Variants in TNFSF4 observed in about 807,000 individuals in gnomAD.
TNFSF4 encodes the protein tumor necrosis factor ligand superfamily member 4.
In TNFSF4, 4 loss-of-function variants were observed where a neutral mutation model predicts 7.3. The ratio of observed to expected loss-of-function variants is 0.55; its 90% CI spans 0.27 to 1.25. The LOEUF (loss-of-function observed/expected upper bound fraction) is 1.25. TNFSF4 is among the 50% of genes most tolerant of loss of function. The pLI, the probability that TNFSF4 is intolerant of heterozygous loss-of-function variation, is 0.12. For missense variants in TNFSF4, 181 were observed against 208.8 expected (o/e 0.87, Z 0.82); for synonymous variants, 76 against 83.7 (o/e 0.91, Z 0.50).
At chr1:173,419,092 C>T in the TNFSF4 span, among the ~76,000 whole-genome samples, 7 of 152,210 alleles carry the variant, frequency 4.6e-5, no homozygotes, top group Non-Finnish European at 8.8e-5. Flanking sequence ...GTAATCCCAG[C>T]ACTTTGGGAG....
At chr1:173,436,087 C>G in the TNFSF4 span, among the ~76,000 whole-genome samples, 1 of 152,218 alleles carries the variant, frequency 6.6e-6, no homozygotes, top group African/African-American at 2.4e-5. Flanking sequence ...TTTCCATGTA[C>G]TCATGCCACC....
the TNFSF4 span, among the ~76,000 whole-genome samples, chr1:173,269,908 G>T: frequency 2.0e-5 from 3 of 152,114 alleles, no homozygotes; most frequent in Non-Finnish European, 2.9e-5. Context: ...CATTGGAAGG[G>T]CTGTGATGGG....
the TNFSF4 span, among the ~76,000 whole-genome samples, chr1:173,224,479 G>T: frequency 6.6e-6 from 1 of 152,110 alleles, no homozygotes; most frequent in Non-Finnish European, 1.5e-5. Context: ...TACCATCCTG[G>T]TCCCAGCACT....
the TNFSF4 span, among the ~76,000 whole-genome samples, chr1:173,252,891 G>T: frequency 6.6e-6 from 1 of 152,206 alleles, no homozygotes; most frequent in African/African-American, 2.4e-5. Context: ...CAGATGAAAT[G>T]ATTACAAGCT....
the TNFSF4 span, among the ~76,000 whole-genome samples, chr1:173,215,824 T>C: frequency 6.6e-6 from 1 of 152,164 alleles, no homozygotes; most frequent in Non-Finnish European, 1.5e-5. Flanking sequence ...GGGGTTGCTA[T>C]AGGGTTTACA....
Position 173,186,541 on chromosome 1 carries a change from T to C in TNFSF4, c.527A>G (p.Asn176Ser). 2 of 1,613,452 alleles carry C rather than the reference T, an allele frequency of 1.2e-6. No individual in the cohort carries two copies. Among genetic ancestry groups the C allele is most frequent in the Non-Finnish European group, 1.7e-6 (2 of 1,179,586 alleles). Residue 176 changes from asparagine (N) to serine (S), a missense_variant, in exon 3 of 3, where the codon AAT becomes AGT. Physicochemically the swap from Asn to Ser is conservative, Grantham distance 46. Transcript: ENST00000281834. The part of the protein sequence containing the change: ...NGGELILIHQ[N>S]PGEFCVL Reference sequence around the variant, plus strand: ...TCAAAGGACACAGAATTCACCAGGATTTTGATGGATAAGAATCAGTTCTCC... The same window carrying C: ...TCAAAGGACACAGAATTCACCAGGACTTTGATGGATAAGAATCAGTTCTCC...
the TNFSF4 span, among the ~76,000 whole-genome samples, chr1:173,402,383 TC>T: frequency 6.6e-6 from 1 of 152,246 alleles, no homozygotes; most frequent in Non-Finnish European, 1.5e-5. Flanking sequence ...CTTCTGGGAC[TC>T]CATACTGTTG....
intron 2 of TNFSF4, among the ~76,000 whole-genome samples, chr1:173,187,906 C>A (rs1649301232): frequency 6.6e-6 from 1 of 152,208 alleles, no homozygotes; most frequent in Non-Finnish European, 1.5e-5. Context: ...TTCAGTAATT[C>A]TTGCTTTGTA....
chr1:173,316,902 C>A, the TNFSF4 span, among the ~76,000 whole-genome samples: 1 of 152,066 alleles, frequency 6.6e-6, no homozygotes, highest in Non-Finnish European at 1.5e-5. Flanking sequence ...TACCTTTAAC[C>A]TTTAAGACTA....
chr1:173,416,334 G>A, the TNFSF4 span, among the ~76,000 whole-genome samples: 120,349 of 152,142 alleles, frequency 0.79, 47,765 homozygotes, highest in Middle Eastern at 0.86. Flanking sequence ...AGGCAGCAGC[G>A]TGGCTTAAAG....
At chr1:173,449,500 T>C in the TNFSF4 span, among the ~76,000 whole-genome samples, 2 of 151,998 alleles carry the variant, frequency 1.3e-5, no homozygotes, top group African/African-American at 4.8e-5. Context: ...ACTACAAGCA[T>C]GCACCACCAC....
the TNFSF4 span, among the ~76,000 whole-genome samples, chr1:173,359,525 A>AAC: frequency 1.4e-4 from 3 of 21,516 alleles, no homozygotes; most frequent in East Asian, 2.8e-3. Flanking sequence ...AAAAAAAAAA[A>AAC]AAAAAAAAAA....
chr1:173,250,013 A>G, the TNFSF4 span, among the ~76,000 whole-genome samples: 70 of 152,276 alleles, frequency 4.6e-4, no homozygotes, highest in African/African-American at 1.4e-3. Flanking sequence ...GTACCTCTGA[A>G]CTTAAAATAA....
chr1:173,368,891 C>T, the TNFSF4 span, among the ~76,000 whole-genome samples: 12 of 152,274 alleles, frequency 7.9e-5, no homozygotes, highest in African/African-American at 1.9e-4. Flanking sequence ...CTGTCCCTGG[C>T]GCTCTTCTAG....
chr1:173,420,391 C>G, the TNFSF4 span, among the ~76,000 whole-genome samples: 1 of 152,176 alleles, frequency 6.6e-6, no homozygotes, highest in African/African-American at 2.4e-5. Flanking sequence ...AGATTGAGAA[C>G]TGAGGGAAAG....
At chr1:173,202,918 C>T (rs1216738471) in intron 1 of TNFSF4, among the ~76,000 whole-genome samples, 3 of 152,112 alleles carry the variant, frequency 2.0e-5, no homozygotes, top group Admixed American at 6.6e-5. Flanking sequence ...ATTATCTCCT[C>T]CTGCAGGTTT....
chr1:173,357,555 G>C, the TNFSF4 span, among the ~76,000 whole-genome samples: 9 of 151,838 alleles, frequency 5.9e-5, no homozygotes, highest in African/African-American at 2.2e-4. Context: ...TTTTGAGATG[G>C]AGTTTTGCTC....
At chr1:173,278,326 TCTC>T in the TNFSF4 span, among the ~76,000 whole-genome samples, 9 of 152,080 alleles carry the variant, frequency 5.9e-5, no homozygotes, top group Non-Finnish European at 1.3e-4. Context: ...TCTCTTACAC[TCTC>T]CTGATTGTTC....
At chr1:173,445,100 A>G in the TNFSF4 span, among the ~76,000 whole-genome samples, 1 of 152,220 alleles carries the variant, frequency 6.6e-6, no homozygotes, top group Non-Finnish European at 1.5e-5. Flanking sequence ...AGAAGTGAAA[A>G]AAGAATATAA....
Sources: gnomAD v4.1 joint callset for allele counts (sites outside exome capture counted in the v4.1 genomes callset) on GRCh38, gnomAD v4.1.1 for gene constraint, MANE v1.5 for transcripts, NCBI Gene and HGNC (gene_info 2026-07-23, HGNC 2026-07-21) for gene names.